Variants in ACTR3C observed in about 807,000 individuals in gnomAD.
The protein encoded by ACTR3C is actin-related protein 3C.
In ACTR3C, 18 loss-of-function variants were observed where a neutral mutation model predicts 26.3. The observed-to-expected ratio is 0.68, with a 90% CI of 0.47 to 1.01. The LOEUF is 1.01. Ranked by LOEUF, ACTR3C falls within the 50% of genes least tolerant of loss-of-function variation. ACTR3C has a pLI of 0.00. For missense variants in ACTR3C, 184 were observed against 250.7 expected (o/e 0.73, Z 1.80); for synonymous variants, 55 against 94.5 (o/e 0.58, Z 2.42).
chr7:150,271,009 A>T (rs535439662), intron 6 of ACTR3C, among the ~76,000 whole-genome samples: 1 of 151,458 alleles, frequency 6.6e-6, no homozygotes, highest in East Asian at 1.9e-4. Flanking sequence ...ACACAACACC[A>T]TCAACACAGC....
chr7:150,083,456 A>T, the ACTR3C span, among the ~76,000 whole-genome samples: 1 of 152,022 alleles, frequency 6.6e-6, no homozygotes, highest in African/African-American at 2.4e-5. Context: ...GGTCCCAGTT[A>T]CTCGGTAGGC....
At chr7:150,205,922 A>G in the ACTR3C span, among the ~76,000 whole-genome samples, 1 of 152,078 alleles carries the variant, frequency 6.6e-6, no homozygotes, top group Non-Finnish European at 1.5e-5. Flanking sequence ...TTTGGTGGTA[A>G]TGGGGAGTGA....
At chr7:150,253,401 C>T (rs960215616) in intron 6 of ACTR3C, among the ~76,000 whole-genome samples, 4 of 152,126 alleles carry the variant, frequency 2.6e-5, no homozygotes, top group Admixed American at 2.0e-4. Flanking sequence ...TTTGTTTTTA[C>T]CCGATTTTAA....
At chr7:150,233,669 C>G in the ACTR3C span, among the ~76,000 whole-genome samples, 1 of 151,468 alleles carries the variant, frequency 6.6e-6, no homozygotes, top group African/African-American at 2.4e-5. Context: ...TCTAGCATTT[C>G]CTTTTGATTG....
the ACTR3C span, among the ~76,000 whole-genome samples, chr7:150,086,375 T>C: frequency 6.6e-6 from 1 of 152,244 alleles, no homozygotes; most frequent in Admixed American, 6.5e-5. Flanking sequence ...AAAGCTTCTA[T>C]AAATGGGGGT....
the ACTR3C span, among the ~76,000 whole-genome samples, chr7:149,937,129 C>G: frequency 6.6e-6 from 1 of 150,652 alleles, no homozygotes; most frequent in Non-Finnish European, 1.5e-5. Flanking sequence ...ATATTACCAA[C>G]TAATAGTGCT....
At chr7:149,988,416 A>G in the ACTR3C span, among the ~76,000 whole-genome samples, 1 of 152,226 alleles carries the variant, frequency 6.6e-6, no homozygotes, top group African/African-American at 2.4e-5. Context: ...TCTCCAGGAT[A>G]AAGTCACATT....
the ACTR3C span, among the ~76,000 whole-genome samples, chr7:150,103,948 C>T: frequency 2.6e-5 from 4 of 151,858 alleles, no homozygotes; most frequent in African/African-American, 7.3e-5. Flanking sequence ...GTAAAAATTA[C>T]CACTATTGGA....
the ACTR3C span, among the ~76,000 whole-genome samples, chr7:150,184,494 C>A: frequency 6.6e-6 from 1 of 150,500 alleles, no homozygotes; most frequent in Non-Finnish European, 1.5e-5. Context: ...CGGAGAGATG[C>A]ATAGGGCCAG....
At chr7:150,255,242 A>ATTTTTTTTT (rs745713614) in intron 6 of ACTR3C, among the ~76,000 whole-genome samples, 18 of 85,592 alleles carry the variant, frequency 2.1e-4, no homozygotes, top group African/African-American at 2.7e-4. Flanking sequence ...TTTGTAGGGG[A>ATTTTTTTTT]TTTTTTTTTT....
chr7:150,037,522 C>G, the ACTR3C span, among the ~76,000 whole-genome samples: 2 of 54,766 alleles, frequency 3.7e-5, 1 homozygote, highest in Non-Finnish European at 8.3e-5. Flanking sequence ...GCTCTCAGTC[C>G]CCACCTTCGC....
chr7:150,034,973 C>T, the ACTR3C span, among the ~76,000 whole-genome samples: 122 of 141,252 alleles, frequency 8.6e-4, 2 homozygotes, highest in African/African-American at 2.7e-3. Flanking sequence ...TCCCCACTCT[C>T]GTGGGGGGTG....
chr7:149,917,548 G>C, the ACTR3C span, among the ~76,000 whole-genome samples: 1 of 151,064 alleles, frequency 6.6e-6, no homozygotes, highest in South Asian at 2.1e-4. Flanking sequence ...TTCCAACCAT[G>C]TGTCTTAAGC....
the ACTR3C span, among the ~76,000 whole-genome samples, chr7:150,053,767 T>C: frequency 2.0e-5 from 3 of 152,210 alleles, no homozygotes; most frequent in Non-Finnish European, 4.4e-5. Context: ...TGCAGGCTAA[T>C]AGAAACAGTT....
the ACTR3C span, among the ~76,000 whole-genome samples, chr7:149,903,061 A>AC: frequency 3.7e-4 from 39 of 105,950 alleles, no homozygotes; most frequent in African/African-American, 9.2e-4. Flanking sequence ...ATTAAAAAAA[A>AC]CCCTCAGATT....
chr7:150,306,084 T>A (rs528919917), intron 1 of ACTR3C, among the ~76,000 whole-genome samples: 7 of 152,266 alleles, frequency 4.6e-5, no homozygotes, highest in Non-Finnish European at 1.5e-5. Flanking sequence ...ACACCACATG[T>A]AATACGATAT....
chr7:150,024,636 C>T, the ACTR3C span, among the ~76,000 whole-genome samples: 10 of 148,256 alleles, frequency 6.7e-5, no homozygotes, highest in South Asian at 1.8e-3. Context: ...TATTTCCATC[C>T]GACTCAGCAC....
the ACTR3C span, among the ~76,000 whole-genome samples, chr7:150,137,446 T>C: frequency 1.2e-4 from 19 of 152,234 alleles, no homozygotes; most frequent in African/African-American, 3.4e-4. Context: ...AAGCTCCTTA[T>C]GAGCGTGGCC....
the ACTR3C span, among the ~76,000 whole-genome samples, chr7:149,971,674 T>C: frequency 6.6e-6 from 1 of 152,220 alleles, no homozygotes; most frequent in African/African-American, 2.4e-5. Flanking sequence ...TCCTGCTGTG[T>C]TCCTGGCTTC....
Sources: gnomAD v4.1 joint callset for allele counts (sites outside exome capture counted in the v4.1 genomes callset) on GRCh38, gnomAD v4.1.1 for gene constraint, MANE v1.5 for transcripts, NCBI Gene and HGNC (gene_info 2026-07-23, HGNC 2026-07-21) for gene names.